Variants in GYPE observed in about 807,000 individuals in gnomAD.
GYPE encodes glycophorin-E.
In GYPE, 8 loss-of-function variants were observed where a neutral mutation model predicts 11.6. The observed-to-expected ratio is 0.69, with a 90% CI of 0.41 to 1.25. The LOEUF (loss-of-function observed/expected upper bound fraction) is 1.25, where lower values mean the gene tolerates loss of function less well. GYPE is among the 50% of genes most tolerant of loss of function. The pLI is 0.01. For missense variants in GYPE, 90 were observed against 92.8 expected, an observed-to-expected ratio of 0.97 and a Z score of 0.12; for synonymous variants, 28 against 29.6, an observed-to-expected ratio of 0.94 and a Z score of 0.18.
At chr4:143,898,029 T>A (rs1262957700) in intron 1 of GYPE, among the ~76,000 whole-genome samples, 1 of 148,708 alleles carries the variant, frequency 6.7e-6, no homozygotes, top group African/African-American at 2.5e-5. Flanking sequence ...ATTAATGAAT[T>A]CATATGGATT....
Position 143,871,137 on chromosome 4 carries a change from G to T in GYPE, c.*1125C>A, listed in dbSNP as rs1423925150. 2.0e-5 allele frequency: 3 copies of T among 151,208 alleles called. No individual in the cohort carries two copies. Among genetic ancestry groups the T allele is most frequent in the Admixed American group, 6.6e-5 (1 of 15,216 alleles). 9.4% of individuals were successfully genotyped at this position (151,208 alleles called of 1,614,324 possible). ...CTGGGTTCCTCCCATGACATGTGGG[G>T]ATTATTGGAACTACAATTCAAGATG... On this transcript the variant is annotated 3_prime_UTR_variant, in exon 4 of 4. Transcript: ENST00000358615.
At chr4:143,896,857 G>C in intron 1 of GYPE, among the ~76,000 whole-genome samples, 1 of 152,248 alleles carries the variant, frequency 6.6e-6, no homozygotes, top group Non-Finnish European at 1.5e-5. Context: ...GTCCTTTGTA[G>C]GGACATGGAT....
At chr4:143,891,663 A>G (rs1468440791) in intron 1 of GYPE, among the ~76,000 whole-genome samples, 1 of 152,100 alleles carries the variant, frequency 6.6e-6, no homozygotes, top group Admixed American at 6.5e-5. Flanking sequence ...AAAAGTAAAA[A>G]TCATTTGTAA....
intron 1 of GYPE, among the ~76,000 whole-genome samples, chr4:143,900,705 T>C (rs1216979888): frequency 6.6e-6 from 1 of 151,270 alleles, no homozygotes; most frequent in African/African-American, 2.5e-5. Context: ...TTTAAACACA[T>C]TATTTTAAGT....
chr4:143,903,894 C>G (rs1233463506), intron 1 of GYPE, among the ~76,000 whole-genome samples: 2 of 142,432 alleles, frequency 1.4e-5, no homozygotes, highest in Admixed American at 6.9e-5. Flanking sequence ...GCTGGGCACA[C>G]CCCCCAGTAG....
intron 1 of GYPE, among the ~76,000 whole-genome samples, chr4:143,901,785 A>G (rs1744877323): frequency 6.6e-6 from 1 of 152,086 alleles, no homozygotes; most frequent in Non-Finnish European, 1.5e-5. Flanking sequence ...ACCAAGGTGA[A>G]AAGAAATTTA....
At chr4:143,887,661 G>A (rs1193369839) in intron 1 of GYPE, among the ~76,000 whole-genome samples, 2 of 151,034 alleles carry the variant, frequency 1.3e-5, no homozygotes, top group East Asian at 4.1e-4. Context: ...AACATGCATT[G>A]ATGTGGAGGC....
chr4:143,901,954 A>G (rs570581393), intron 1 of GYPE, among the ~76,000 whole-genome samples: 3 of 152,190 alleles, frequency 2.0e-5, no homozygotes, highest in Non-Finnish European at 2.9e-5. Flanking sequence ...CAAGCTAAAG[A>G]TATCTATAGA....
chr4:143,897,023 G>C (rs1459767627), intron 1 of GYPE, among the ~76,000 whole-genome samples: 1 of 152,010 alleles, frequency 6.6e-6, no homozygotes, highest in East Asian at 1.9e-4. Flanking sequence ...GGGGGCAGGG[G>C]GGAGGGATAG....
intron 3 of GYPE, among the ~76,000 whole-genome samples, chr4:143,876,256 C>T (rs139778138): frequency 1.0e-3 from 157 of 152,098 alleles, no homozygotes; most frequent in African/African-American, 3.6e-3. Context: ...TGATACTACA[C>T]GTGTGCACCA....
rs1378430478 is a variant in GYPE, at chr4:143,873,277, C to G, written c.*10-1025G>C. The G allele has an allele frequency of 1.3e-4, 42 of 322,140 alleles. No individual in the cohort carries two copies. The East Asian group carries it at 3.1e-3, about 24-fold the overall frequency. 20.0% of individuals were successfully genotyped at this position (322,140 alleles called of 1,614,324 possible). On this transcript the variant is annotated intron_variant, in intron 3 of 3. Coordinates refer to ENST00000358615, the MANE Select transcript of GYPE (RefSeq NM_198682.3). ...CTAGGCCTAGAAAAAGTTTAATAGACTTAGGTAAGACTTACATTAAACTGA... is the reference window on the plus strand; with the variant it reads ...CTAGGCCTAGAAAAAGTTTAATAGAGTTAGGTAAGACTTACATTAAACTGA...
At chr4:143,873,327 C>T (rs1012525383) in intron 3 of GYPE, 10 of 412,952 alleles carry the variant, frequency 2.4e-5, no homozygotes, top group East Asian at 2.1e-4. Flanking sequence ...AAGGTAATAG[C>T]GTTCAGCTGA....
At chr4:143,904,178 C>G (rs11735314) in intron 1 of GYPE, among the ~76,000 whole-genome samples, 14,231 of 151,854 alleles carry the variant, frequency 0.094, 914 homozygotes, top group Non-Finnish European at 0.14. Context: ...CAATCACATA[C>G]GTAGGTTTGT....
intron 1 of GYPE, among the ~76,000 whole-genome samples, chr4:143,885,108 C>A (rs1744182546): frequency 1.3e-5 from 2 of 151,888 alleles, no homozygotes; most frequent in Admixed American, 1.3e-4. Context: ...GTCCTTATCA[C>A]TTCTTAACAT....
chr4:143,882,969 A>G (rs550921488), intron 1 of GYPE, among the ~76,000 whole-genome samples: 17 of 152,286 alleles, frequency 1.1e-4, no homozygotes, highest in African/African-American at 3.9e-4. Context: ...TCTTATGGAG[A>G]AAGAATTAGG....
intron 1 of GYPE, among the ~76,000 whole-genome samples, chr4:143,890,622 G>C (rs1169822996): frequency 1.3e-5 from 2 of 152,154 alleles, no homozygotes; most frequent in Non-Finnish European, 2.9e-5. Context: ...GCTCCAGTTG[G>C]TAATATAGAT....
intron 3 of GYPE, chr4:143,873,356 C>A: frequency 2.3e-6 from 1 of 438,576 alleles, no homozygotes; most frequent in South Asian, 1.6e-5. Context: ...ATAATTTTCA[C>A]CTGGTTGGCA....
intron 3 of GYPE, among the ~76,000 whole-genome samples, chr4:143,873,138 A>G (rs1322324452): frequency 6.6e-6 from 1 of 152,202 alleles, no homozygotes; most frequent in African/African-American, 2.4e-5. Context: ...CTTTTTAGTA[A>G]GAATAAATTC....
chr4:143,878,395 G>C (rs1743889918), intron 2 of GYPE, among the ~76,000 whole-genome samples: 1 of 152,152 alleles, frequency 6.6e-6, no homozygotes, highest in South Asian at 2.1e-4. Flanking sequence ...CTTGGCCTCT[G>C]AAAATTCTGG....
Sources: allele counts gnomAD v4.1 joint callset (sites outside exome capture counted in the v4.1 genomes callset), GRCh38; gene constraint gnomAD v4.1.1; transcripts MANE v1.5; gene names NCBI Gene and HGNC (gene_info 2026-07-23, HGNC 2026-07-21).